The following PCDHGC4 variants were observed in gnomAD, a reference collection of about 807,000 sequenced individuals.
PCDHGC4 encodes protocadherin gamma subfamily C, 4.
A neutral mutation model predicts 59.7 loss-of-function variants in PCDHGC4; 15 were observed. The observed-to-expected ratio is 0.25, with a 90% CI of 0.17 to 0.39. The LOEUF (loss-of-function observed/expected upper bound fraction) is 0.39. PCDHGC4 is among the 10% of genes least tolerant of loss of function. The pLI, the probability that PCDHGC4 is intolerant of heterozygous loss-of-function variation, is 1.00. For synonymous variants in PCDHGC4, 434 were observed against 481.4 expected, an observed-to-expected ratio of 0.90 and a Z score of 1.29; for missense variants, 1,016 against 1,189.5, an observed-to-expected ratio of 0.85 and a Z score of 2.15.
rs747283905 is a variant in PCDHGC4, at chr5:141,491,693, G to A, written c.2443-3114G>A. On this transcript the variant is annotated intron_variant, in intron 1 of 3. Transcript: ENST00000306593. The surrounding 1 kb of genome is among the most constrained non-coding windows in gnomAD (Gnocchi z 6.9). ...TCCCGCTCTAATACGCTGCGGGAGC[G>A]GAGCCAGGTGAGGGGCTCGGCGCCG... 3.7e-5 allele frequency: 59 copies of A among 1,612,434 alleles called. No homozygotes were observed. Among genetic ancestry groups the A allele is most frequent in the Non-Finnish European group, 4.7e-5 (55 of 1,179,352 alleles).
intron 2 of PCDHGC4, among the ~76,000 whole-genome samples, chr5:141,500,046 T>C (rs959260262): frequency 1.3e-5 from 2 of 152,098 alleles, no homozygotes; most frequent in African/African-American, 4.8e-5. Context: ...TTAAGTATCT[T>C]AATGCTCTTT....
Position 141,491,886 on chromosome 5 carries a change from G to A in PCDHGC4, c.2443-2921G>A. On this transcript the variant is annotated intron_variant, in intron 1 of 3. Coordinates refer to ENST00000306593, the MANE Select transcript of PCDHGC4 (RefSeq NM_018928.3). The surrounding 1 kb of genome is among the most constrained non-coding windows in gnomAD (Gnocchi z 6.9). ...CCAGAGTGGCCGATTAAGGGATGGG[G>A]CTCCGAGCACCGGGGGTGGTGGCGA... 6.9e-7 allele frequency: 1 copy of A among 1,445,558 alleles called. No individual in the cohort carries two copies. Among genetic ancestry groups the A allele is most frequent in the Non-Finnish European group, 9.1e-7 (1 of 1,093,458 alleles). 89.5% of individuals were successfully genotyped at this position (1,445,558 alleles called of 1,614,324 possible). A position where few individuals can be genotyped will look rare whatever the true frequency, so the allele number is the denominator to read the frequency against.
rs762138055 is a variant in PCDHGC4, at chr5:141,490,757, T to C, written c.2442+3142T>C. 6.2e-7 allele frequency: 1 copy of C among 1,613,918 alleles called. No homozygotes were observed. The highest frequency in any genetic ancestry group is 2.2e-5 in the East Asian group (1 of 44,892). On this transcript the variant is annotated intron_variant, in intron 1 of 3. Coordinates refer to ENST00000306593, the MANE Select transcript of PCDHGC4 (RefSeq NM_018928.3). The surrounding 1 kb of genome is among the most constrained non-coding windows in gnomAD (Gnocchi z 5.4). ...GTTCAGGGAGCCCCAGCCTCCTCCT[T>C]TGTGTATGTCAACCCAGAGGATGGA...
Position 141,491,712 on chromosome 5 carries a change from G to C in PCDHGC4, c.2443-3095G>C. 3.1e-6 allele frequency: 5 copies of C among 1,609,408 alleles called. No individual in the cohort carries two copies. Among genetic ancestry groups the C allele is most frequent in the Middle Eastern group, 1.7e-4 (1 of 6,024 alleles). ...GGGAGCGGAGCCAGGTGAGGGGCTCGGCGCCGCCCCGGGCGACCCCTGGGG... is the reference window on the plus strand; with the variant it reads ...GGGAGCGGAGCCAGGTGAGGGGCTCCGCGCCGCCCCGGGCGACCCCTGGGG... On this transcript the variant is annotated intron_variant, in intron 1 of 3. Transcript: ENST00000306593. The surrounding 1 kb of genome is among the most constrained non-coding windows in gnomAD (Gnocchi z 6.9).
intron 2 of PCDHGC4, among the ~76,000 whole-genome samples, chr5:141,500,788 A>T (rs1379810633): frequency 2.6e-5 from 4 of 152,198 alleles, no homozygotes; most frequent in Admixed American, 6.5e-5. Context: ...ATATTATTTT[A>T]CAGAATAAGT....
Position 141,487,059 on chromosome 5 carries a change from G to A in PCDHGC4, c.1886G>A (p.Arg629Gln), listed in dbSNP as rs760836605. 1.7e-5 allele frequency: 27 copies of A among 1,613,952 alleles called. No homozygotes were observed. Among genetic ancestry groups the A allele is most frequent in the Non-Finnish European group, 2.0e-5 (24 of 1,179,994 alleles). The change falls in exon 1 of 4, where the codon CGG becomes CAG. Residue 629 changes from arginine to glutamine, a missense_variant. Physicochemically the swap from Arg to Gln is conservative, Grantham distance 43. Transcript: ENST00000306593. This position sits in a 1 kb window ranked among gnomAD's most constrained non-coding sequence, Gnocchi z 5.0. ...GTCTCTCGATATGCTGGGGAGGTGC[G>A]GACGGCTGTTCCTATCCCAGCTGAC... ...FAVSRYAGEV[R>Q]TAVPIPADLP...
Position 141,489,948 on chromosome 5 carries a change from T to G in PCDHGC4, c.2442+2333T>G. The G allele has an allele frequency of 6.2e-7, 1 of 1,614,210 alleles. No homozygotes were observed. Among genetic ancestry groups the G allele is most frequent in the Non-Finnish European group, 8.5e-7 (1 of 1,180,030 alleles). ...TCTCTGTCATCGTGCTGGACATCAA[T>G]GATAATGCTCCAACCTTCCAATCCT... On this transcript the variant is annotated intron_variant, in intron 1 of 3. Transcript: ENST00000306593. The surrounding 1 kb of genome is among the most constrained non-coding windows in gnomAD (Gnocchi z 4.5).
Position 141,491,095 on chromosome 5 carries a change from T to C in PCDHGC4, c.2442+3480T>C, listed in dbSNP as rs1366401829. On this transcript the variant is annotated intron_variant, in intron 1 of 3. Coordinates refer to ENST00000306593, the MANE Select transcript of PCDHGC4 (RefSeq NM_018928.3). The surrounding 1 kb of genome is among the most constrained non-coding windows in gnomAD (Gnocchi z 6.9). ...GCCACAGTCCACAGCCCCAGGACTG[T>C]TCCTCGTGTCTACACACACTGGTGA... The C allele has an allele frequency of 3.7e-6, 6 of 1,614,154 alleles. No homozygotes were observed. The highest frequency in any genetic ancestry group is 4.2e-6 in the Non-Finnish European group (5 of 1,180,014).
Position 141,510,985 on chromosome 5 carries a change from G to A in PCDHGC4, c.2629G>A (p.Gly877Ser), listed in dbSNP as rs1278517639. Residue 877 changes from glycine to serine, a missense_variant, in exon 4 of 4, where the codon GGC becomes AGC. Transcript: ENST00000306593. ...DGSSTLGGGA[G>S]TMGLSARYGP... ...GAGCTCCACCCTGGGAGGGGGTGCCGGCACCATGGGATTGAGCGCCCGCTA... is the reference window on the plus strand; with the variant it reads ...GAGCTCCACCCTGGGAGGGGGTGCCAGCACCATGGGATTGAGCGCCCGCTA... 19 of 1,614,090 alleles carry A rather than the reference G, an allele frequency of 1.2e-5. No individual in the cohort carries two copies. The highest frequency in any genetic ancestry group is 2.2e-5 in the East Asian group (1 of 44,880).
chr5:141,488,292 G>A (rs961688781), intron 1 of PCDHGC4, among the ~76,000 whole-genome samples: 1 of 152,216 alleles, frequency 6.6e-6, no homozygotes, highest in African/African-American at 2.4e-5. Flanking sequence ...AAAACAGTAA[G>A]TGAAATCACT....
At chr5:141,492,512 T>A (rs2099741406) in intron 1 of PCDHGC4, among the ~76,000 whole-genome samples, 1 of 152,116 alleles carries the variant, frequency 6.6e-6, no homozygotes, top group Admixed American at 6.5e-5. Flanking sequence ...GAGCCTCCTC[T>A]CACCTCTCCC....
chr5:141,495,005 C>A, intron 2 of PCDHGC4, 140 bp downstream of exon 2: 1 of 1,522,810 alleles, frequency 6.6e-7, no homozygotes. Context: ...TCTTGGTGTG[C>A]GGGGGGCTGG....
chr5:141,485,274 C>T lies in PCDHGC4; in HGVS notation c.101C>T (p.Pro34Leu). The change falls in exon 1 of 4, where the codon CCG becomes CTG. Residue 34 changes from proline (P) to leucine (L), a missense_variant. Transcript: ENST00000306593. The surrounding 1 kb of genome is among the most constrained non-coding windows in gnomAD (Gnocchi z 5.7). Reference sequence around the variant, plus strand: ...TACGTTTGTGGGCAGATCCGCTACCCGGTCCCAGAGGAGTCACAGGAAGGG... The same window carrying T: ...TACGTTTGTGGGCAGATCCGCTACCTGGTCCCAGAGGAGTCACAGGAAGGG... Reference protein sequence around the residue: ...LGYVCGQIRYPVPEESQEGTF... With the variant: ...LGYVCGQIRYLVPEESQEGTF... The T allele has an allele frequency of 6.2e-7, 1 of 1,614,106 alleles. No individual in the cohort carries two copies. Among genetic ancestry groups the T allele is most frequent in the South Asian group, 1.1e-5 (1 of 91,086 alleles).
chr5:141,490,891 C>A lies in PCDHGC4; in HGVS notation c.2442+3276C>A, dbSNP rs1462296497. The A allele has an allele frequency of 6.2e-7, 1 of 1,613,204 alleles. No homozygotes were observed. Among genetic ancestry groups the A allele is most frequent in the Non-Finnish European group, 8.5e-7 (1 of 1,179,262 alleles). On this transcript the variant is annotated intron_variant, in intron 1 of 3. Transcript: ENST00000306593. This position sits in a 1 kb window ranked among gnomAD's most constrained non-coding sequence, Gnocchi z 5.4. ...CCCATTGCATGCCAACACATCTCTGCATGTGTTTGTCCTAGACGAGAATGA... is the reference window on the plus strand; with the variant it reads ...CCCATTGCATGCCAACACATCTCTGAATGTGTTTGTCCTAGACGAGAATGA...
Position 141,490,254 on chromosome 5 carries a change from G to A in PCDHGC4, c.2442+2639G>A. The A allele has an allele frequency of 6.2e-7, 1 of 1,614,236 alleles. No homozygotes were observed. Among genetic ancestry groups the A allele is most frequent in the Non-Finnish European group, 8.5e-7 (1 of 1,180,038 alleles). ...TGGAGGGCCACTGTGTGATTCAAGT[G>A]GATGTGGGGGATGTCAATGACAATG... On this transcript the variant is annotated intron_variant, in intron 1 of 3. Coordinates refer to ENST00000306593, the MANE Select transcript of PCDHGC4 (RefSeq NM_018928.3). The surrounding 1 kb of genome is among the most constrained non-coding windows in gnomAD (Gnocchi z 5.4).
At chr5:141,496,329 C>T (rs1435070517) in intron 2 of PCDHGC4, among the ~76,000 whole-genome samples, 2 of 152,186 alleles carry the variant, frequency 1.3e-5, no homozygotes, top group South Asian at 4.1e-4. Context: ...AGTTAGAAGT[C>T]AGGAGCCTGG....
rs996556361 is a variant in PCDHGC4, at chr5:141,511,290, A to G, written c.*117A>G. 1.3e-6 allele frequency: 2 copies of G among 1,516,984 alleles called. No homozygotes were observed. The highest frequency in any genetic ancestry group is 1.8e-6 in the Non-Finnish European group (2 of 1,129,124). The allele number at this position is 1,516,984 out of a possible 1,614,324, so 94.0% of individuals were successfully genotyped here. ...AACCCCCAGAATACTGGTAGGGGCC[A>G]AGGCCATGCTCCCCTTGGGAAACAG... is the stretch of plus-strand genomic sequence containing the variant. On this transcript the variant is annotated 3_prime_UTR_variant, in exon 4 of 4. Coordinates refer to ENST00000306593, the MANE Select transcript of PCDHGC4 (RefSeq NM_018928.3).
Position 141,491,208 on chromosome 5 carries a change from C to A in PCDHGC4, c.2442+3593C>A. ...TGAGGGACAATGGTGACCCTTCACT[C>A]TCCTCCACAGCCACAGTGCTGCTGG... On this transcript the variant is annotated intron_variant, in intron 1 of 3. Coordinates refer to ENST00000306593, the MANE Select transcript of PCDHGC4 (RefSeq NM_018928.3). The surrounding 1 kb of genome is among the most constrained non-coding windows in gnomAD (Gnocchi z 6.9). The A allele has an allele frequency of 6.2e-7, 1 of 1,614,204 alleles. No homozygotes were observed. Among genetic ancestry groups the A allele is most frequent in the African/African-American group, 1.3e-5 (1 of 75,058 alleles).
At position 141,505,499 on chromosome 5, in the gene PCDHGC4, G is replaced by A. The variant is rs753203943; in HGVS notation, c.2590+18G>A. ...CGCCAGTGGTAAGTGGTGTCAGTGT[G>A]TGTATGGAAGAGTGGGAGACCTGGG... is the stretch of plus-strand genomic sequence containing the variant. On this transcript the variant is annotated intron_variant, in intron 3 of 3. Transcript: ENST00000306593. 6.2e-7 allele frequency: 1 copy of A among 1,614,172 alleles called. No homozygotes were observed. The highest frequency in any genetic ancestry group is 8.5e-7 in the Non-Finnish European group (1 of 1,179,982).
Sources: allele counts gnomAD v4.1 joint callset (sites outside exome capture counted in the v4.1 genomes callset), GRCh38; gene constraint gnomAD v4.1.1; non-coding constraint Gnocchi (gnomAD v3.1); transcripts MANE v1.5; gene names NCBI Gene and HGNC (gene_info 2026-07-23, HGNC 2026-07-21).